Variants in PARD3B observed in about 807,000 individuals in gnomAD.
PARD3B encodes par-3 family cell polarity regulator beta, also known as partitioning defective 3 homolog B.
PARD3B carries 103 observed loss-of-function variants against 130.2 expected under a neutral mutation model. That is an observed-to-expected ratio of 0.79 (90% CI 0.67 to 0.93). The LOEUF (loss-of-function observed/expected upper bound fraction) is 0.93. PARD3B is among the 40% of genes least tolerant of loss of function. PARD3B has a pLI of 0.00. For synonymous variants in PARD3B, 583 were observed against 553.2 expected, an observed-to-expected ratio of 1.05 and a Z score of -0.76; for missense variants, 1,609 against 1,499.2, an observed-to-expected ratio of 1.07 and a Z score of -1.21.
At chr2:205,409,521 A>T (rs2046525657) in intron 19 of PARD3B, among the ~76,000 whole-genome samples, 1 of 152,168 alleles carries the variant, frequency 6.6e-6, no homozygotes, top group Non-Finnish European at 1.5e-5. Context: ...TAGACCAGAG[A>T]TGGAAACACC....
chr2:204,546,749 C>T (rs1041401150), intron 1 of PARD3B, among the ~76,000 whole-genome samples: 1 of 152,142 alleles, frequency 6.6e-6, no homozygotes, highest in Non-Finnish European at 1.5e-5. Flanking sequence ...TGACCATTTA[C>T]TATGTGTGTG....
At chr2:205,166,601 A>C (rs1182517297) in intron 11 of PARD3B, among the ~76,000 whole-genome samples, 3 of 152,208 alleles carry the variant, frequency 2.0e-5, no homozygotes, top group African/African-American at 7.2e-5. Context: ...ATGAAGGTAA[A>C]TGATTTCAAT....
chr2:204,666,790 A>T (rs1391382985), intron 1 of PARD3B, among the ~76,000 whole-genome samples: 1 of 152,080 alleles, frequency 6.6e-6, no homozygotes, highest in African/African-American at 2.4e-5. Context: ...ATCTATGTTG[A>T]GATGTAAGGT....
chr2:205,497,427 A>ATTTTTTTTT (rs3077795), intron 20 of PARD3B, among the ~76,000 whole-genome samples: 1 of 123,706 alleles, frequency 8.1e-6, no homozygotes, highest in Non-Finnish European at 1.6e-5. Context: ...TTTACTCACC[A>ATTTTTTTTT]TTTTTTTTTT....
At chr2:205,542,838 ATAGTT>A (rs1173760303) in intron 21 of PARD3B, among the ~76,000 whole-genome samples, 3 of 152,180 alleles carry the variant, frequency 2.0e-5, no homozygotes, top group Admixed American at 2.0e-4. Flanking sequence ...TAGACTATTT[ATAGTT>A]TATTTTTTAT....
chr2:205,261,517 G>C (rs1013052766), intron 16 of PARD3B, among the ~76,000 whole-genome samples: 2 of 152,092 alleles, frequency 1.3e-5, no homozygotes, highest in African/African-American at 4.8e-5. Context: ...CTTTTGACAA[G>C]ACAATCCAAT....
intron 1 of PARD3B, among the ~76,000 whole-genome samples, chr2:204,588,290 A>G (rs2125090378): frequency 6.6e-6 from 1 of 152,342 alleles, no homozygotes; most frequent in African/African-American, 2.4e-5. Context: ...TATTTATTGT[A>G]CATGTAATGA....
chr2:204,600,215 TTTGAGGTGTTATTCATAAAATCC>T (rs2125104411), intron 1 of PARD3B, among the ~76,000 whole-genome samples: 1 of 152,024 alleles, frequency 6.6e-6, no homozygotes, highest in African/African-American at 2.4e-5. Flanking sequence ...TGCTTGTGCT[TTTGAGGTGTTATTCATAAAATCC>T]TTTTTCAAAC....
At chr2:205,197,032 G>GT (rs1398810056) in intron 15 of PARD3B, among the ~76,000 whole-genome samples, 1,277 of 54,906 alleles carry the variant, frequency 0.023, 6 homozygotes, top group South Asian at 0.029. Flanking sequence ...GTGGGGGGGG[G>GT]GTGTGTGTGT....
intron 10 of PARD3B, among the ~76,000 whole-genome samples, chr2:205,153,792 G>A (rs1374010464): frequency 2.6e-5 from 4 of 152,084 alleles, no homozygotes; most frequent in Non-Finnish European, 5.9e-5. Flanking sequence ...ACAAGAAATG[G>A]GGAAAGGATT....
intron 2 of PARD3B, among the ~76,000 whole-genome samples, chr2:204,725,816 T>C (rs1165472581): frequency 1.3e-5 from 2 of 152,184 alleles, no homozygotes; most frequent in African/African-American, 4.8e-5. Flanking sequence ...TGTAAACTTA[T>C]GGGAGGTAAC....
chr2:205,363,763 C>G (rs2044485451), intron 18 of PARD3B, among the ~76,000 whole-genome samples: 1 of 150,600 alleles, frequency 6.6e-6, no homozygotes, highest in African/African-American at 2.5e-5. Flanking sequence ...CTCCCGGGTT[C>G]AAGCAATTCT....
intron 22 of PARD3B, among the ~76,000 whole-genome samples, chr2:205,599,495 G>C (rs1457992373): frequency 1.3e-5 from 2 of 152,154 alleles, no homozygotes; most frequent in Admixed American, 6.5e-5. Context: ...TTTATTGCAA[G>C]ACCAGACAGC....
At chr2:205,541,119 A>C (rs1023968750) in intron 21 of PARD3B, among the ~76,000 whole-genome samples, 5 of 152,186 alleles carry the variant, frequency 3.3e-5, no homozygotes, top group Non-Finnish European at 5.9e-5. Context: ...AGAGGAATGA[A>C]GTATTCTGAT....
chr2:205,381,441 G>A (rs1238517318), intron 18 of PARD3B, among the ~76,000 whole-genome samples: 2 of 151,230 alleles, frequency 1.3e-5, no homozygotes, highest in African/African-American at 2.4e-5. Context: ...TTCCTCAAAA[G>A]GCTGTGTTCA....
intron 4 of PARD3B, chr2:205,103,624 A>T: frequency 5.1e-6 from 4 of 780,572 alleles, no homozygotes; most frequent in Non-Finnish European, 6.2e-6. Context: ...ACGTGTAACA[A>T]TAGTTTATTG....
intron 21 of PARD3B, among the ~76,000 whole-genome samples, chr2:205,521,209 T>TACTA (rs2051034971): frequency 6.6e-6 from 1 of 151,978 alleles, no homozygotes; most frequent in African/African-American, 2.4e-5. Context: ...ACCAATTTGA[T>TACTA]GGCAAATATC....
chr2:205,171,559 G>T (rs2035174386), intron 11 of PARD3B, among the ~76,000 whole-genome samples: 1 of 152,194 alleles, frequency 6.6e-6, no homozygotes, highest in African/African-American at 2.4e-5. Flanking sequence ...ATTCATCAGA[G>T]CCTCTTTGAA....
intron 14 of PARD3B, among the ~76,000 whole-genome samples, chr2:205,189,649 T>C (rs2036285314): frequency 6.6e-6 from 1 of 152,220 alleles, no homozygotes; most frequent in African/African-American, 2.4e-5. Context: ...ACTCGAGATA[T>C]GTAGCGTAAA....
Sources: allele counts gnomAD v4.1 joint callset (sites outside exome capture counted in the v4.1 genomes callset), GRCh38; gene constraint gnomAD v4.1.1; transcripts MANE v1.5; gene names NCBI Gene and HGNC (gene_info 2026-07-23, HGNC 2026-07-21).